IL34: variants seen among roughly 807,000 people sequenced by gnomAD.
The protein encoded by IL34 is interleukin-34.
In IL34, 17 loss-of-function variants were observed where a neutral mutation model predicts 25.3. The ratio of observed to expected loss-of-function variants is 0.67; its 90% CI spans 0.46 to 1.01. The LOEUF (loss-of-function observed/expected upper bound fraction) is 1.01, where lower values mean the gene tolerates loss of function less well. Ranked by LOEUF, IL34 falls within the 50% of genes least tolerant of loss-of-function variation. IL34 has a pLI of 0.00. For synonymous variants in IL34, 174 were observed against 140.9 expected (o/e 1.23, Z -1.66); for missense variants, 368 against 312.9 (o/e 1.18, Z -1.33).
intron 1 of IL34, among the ~76,000 whole-genome samples, chr16:70,608,912 A>C (rs1308167335): frequency 3.3e-5 from 5 of 152,196 alleles, no homozygotes; most frequent in Admixed American, 1.3e-4. Context: ...GGGTGTTGCC[A>C]CTCAGACCTG....
intron 1 of IL34, among the ~76,000 whole-genome samples, chr16:70,604,121 G>A (rs1035534894): frequency 6.6e-6 from 1 of 152,170 alleles, no homozygotes; most frequent in Non-Finnish European, 1.5e-5. Context: ...GTTGCCCATC[G>A]CTTTGGAAGA....
chr16:70,627,074 C>T (rs2051409826), intron 1 of IL34, among the ~76,000 whole-genome samples: 1 of 151,916 alleles, frequency 6.6e-6, no homozygotes. Context: ...GGGATCCTTC[C>T]ACCTCAGCCT....
intron 1 of IL34, among the ~76,000 whole-genome samples, chr16:70,610,482 C>G (rs969859716): frequency 6.6e-6 from 1 of 152,198 alleles, no homozygotes; most frequent in African/African-American, 2.4e-5. Flanking sequence ...ATGTGTCAAG[C>G]AGGTGCCAGG....
At chr16:70,608,689 G>T (rs2051047229) in intron 1 of IL34, among the ~76,000 whole-genome samples, 1 of 152,272 alleles carries the variant, frequency 6.6e-6, no homozygotes, top group Non-Finnish European at 1.5e-5. Flanking sequence ...CTTAGGCCAA[G>T]GCCGTGCAGG....
rs181159039 is a variant in IL34 at position 70,589,996 on chromosome 16, C to T, written c.-401+9947C>T. On this transcript the variant is annotated intron_variant, in intron 1 of 6. Transcript: ENST00000429149. ...GGTTCGTGAGGACAGGATGAGGCAA[C>T]GCATGTGAACTGTGTTATTAGCCTC... Among the ~76,000 whole-genome samples the T allele has an allele frequency of 5.9e-5, 9 of 152,312 alleles. No homozygotes were observed. In the East Asian group the frequency reaches 7.7e-4, roughly 13 times the overall value.
intron 1 of IL34, among the ~76,000 whole-genome samples, chr16:70,638,108 C>G (rs1031251243): frequency 9.2e-5 from 14 of 152,192 alleles, no homozygotes; most frequent in Non-Finnish European, 1.5e-5. Flanking sequence ...TGGACCCATG[C>G]ACTCTGCCAG....
chr16:70,614,466 C>T (rs1238617421), intron 1 of IL34, among the ~76,000 whole-genome samples: 1 of 152,168 alleles, frequency 6.6e-6, no homozygotes, highest in Non-Finnish European at 1.5e-5. Context: ...CCAGGTGGTT[C>T]TTAAGCCCGC....
chr16:70,615,421 T>C (rs528499481), intron 1 of IL34, among the ~76,000 whole-genome samples: 149 of 152,074 alleles, frequency 9.8e-4, no homozygotes, highest in African/African-American at 3.3e-3. Flanking sequence ...GCAGGAGAAT[T>C]GCTTGAACCT....
Position 70,646,869 on chromosome 16 carries a change from A to C in IL34, c.-79A>C. The C allele has an allele frequency of 7.3e-7, 1 of 1,366,312 alleles. No homozygotes were observed. The highest frequency in any genetic ancestry group is 1.5e-5 in the South Asian group (1 of 66,954). The allele number at this position is 1,366,312 out of a possible 1,614,324, so 84.6% of individuals were successfully genotyped here. A position where few individuals can be genotyped will look rare whatever the true frequency, so the allele number is the denominator to read the frequency against. On this transcript the variant is annotated 5_prime_UTR_variant, in exon 1 of 6. It removes an upstream start codon present in the reference 5' UTR. Coordinates refer to ENST00000288098, the MANE Select transcript of IL34 (RefSeq NM_001393494.1). ...TGACCACCTCTGCTGCCCCGAGGCCATGTAGGCCGTGCTTAGGCCTCTGTG... is the reference window on the plus strand; with the variant it reads ...TGACCACCTCTGCTGCCCCGAGGCCCTGTAGGCCGTGCTTAGGCCTCTGTG...
At chr16:70,606,530 A>T (rs1341367209) in intron 1 of IL34, among the ~76,000 whole-genome samples, 2 of 151,450 alleles carry the variant, frequency 1.3e-5, no homozygotes, top group Non-Finnish European at 1.5e-5. Flanking sequence ...ACCAACCACC[A>T]CCCTCCACCC....
At chr16:70,606,701 C>T (rs1329975700) in intron 1 of IL34, among the ~76,000 whole-genome samples, 1 of 152,140 alleles carries the variant, frequency 6.6e-6, no homozygotes, top group African/African-American at 2.4e-5. Context: ...GATCCTTCCA[C>T]TTCAGCCTCC....
chr16:70,609,549 G>A (rs543248270), intron 1 of IL34, among the ~76,000 whole-genome samples: 1 of 152,248 alleles, frequency 6.6e-6, no homozygotes, highest in South Asian at 2.1e-4. Context: ...CAAGCAACAA[G>A]CAAGTGCGTA....
intron 1 of IL34, among the ~76,000 whole-genome samples, chr16:70,603,156 C>T (rs1169732347): frequency 6.6e-6 from 1 of 152,102 alleles, no homozygotes; most frequent in East Asian, 1.9e-4. Flanking sequence ...AATGCAAAAA[C>T]AAGGAAATGT....
At chr16:70,586,622 C>A (rs745576191) in intron 1 of IL34, among the ~76,000 whole-genome samples, 17 of 152,160 alleles carry the variant, frequency 1.1e-4, no homozygotes, top group Non-Finnish European at 1.8e-4. Flanking sequence ...GCTCTGCCAA[C>A]CCCTCCCGTG....
At chr16:70,654,910 A>G (rs915727687) in intron 2 of IL34, among the ~76,000 whole-genome samples, 3 of 152,078 alleles carry the variant, frequency 2.0e-5, no homozygotes, top group South Asian at 2.1e-4. Flanking sequence ...TCCCACCTCC[A>G]TGATGGCAGT....
upstream of IL34, among the ~76,000 whole-genome samples, chr16:70,645,347 A>G (rs1005526902): frequency 1.3e-5 from 2 of 152,156 alleles, no homozygotes; most frequent in Non-Finnish European, 2.9e-5. Flanking sequence ...CTTTGGTGAC[A>G]CCATGGATCA....
intron 1 of IL34, among the ~76,000 whole-genome samples, chr16:70,618,299 G>A (rs2051206159): frequency 6.6e-6 from 1 of 151,882 alleles, no homozygotes; most frequent in Non-Finnish European, 1.5e-5. Flanking sequence ...TTAATGTCAG[G>A]TGGATCTGAG....
At chr16:70,640,626 T>A (rs200247815) in intron 1 of IL34, among the ~76,000 whole-genome samples, 129 of 131,702 alleles carry the variant, frequency 9.8e-4, no homozygotes, top group African/African-American at 1.5e-3. Flanking sequence ...TCCGTCTCAA[T>A]AAAAAAAAAA....
In IL34 at chr16:70,660,365, C is replaced by T; in HGVS notation, c.*178C>T. 1 of 579,312 alleles carries T rather than the reference C, an allele frequency of 1.7e-6. No individual in the cohort carries two copies. Among genetic ancestry groups the T allele is most frequent in the Non-Finnish European group, 2.9e-6 (1 of 344,638 alleles). The allele number at this position is 579,312 out of a possible 1,614,324, so 35.9% of individuals were successfully genotyped here. A position where few individuals can be genotyped will look rare whatever the true frequency, so the allele number is the denominator to read the frequency against. On this transcript the variant is annotated 3_prime_UTR_variant, in exon 6 of 6. Transcript: ENST00000288098. ...CAGCAGGGCTCAGCTTCCTGCCTTC[C>T]ATAGCTGTCATGGCCTCACCTGGAG...
Sources: gnomAD v4.1 joint callset for allele counts (sites outside exome capture counted in the v4.1 genomes callset) on GRCh38, gnomAD v4.1.1 for gene constraint, MANE v1.5 for transcripts, NCBI Gene and HGNC (gene_info 2026-07-23, HGNC 2026-07-21) for gene names.